Variants in RBM20 observed in about 807,000 individuals in gnomAD.
RBM20 encodes RNA binding motif protein 20.
Under a neutral mutation model 110.1 loss-of-function variants are expected in RBM20, and 51 were observed. The ratio of observed to expected loss-of-function variants is 0.46; its 90% CI spans 0.37 to 0.59. The LOEUF (loss-of-function observed/expected upper bound fraction) is 0.59, where lower values mean the gene tolerates loss of function less well. RBM20 is among the 20% of genes least tolerant of loss of function. The pLI is 0.00. For missense variants in RBM20, 1,512 were observed against 1,574.9 expected (o/e 0.96, Z 0.68); for synonymous variants, 589 against 618.2 (o/e 0.95, Z 0.70).
At chr10:110,703,245 G>A (rs1428182209) in intron 1 of RBM20, among the ~76,000 whole-genome samples, 1 of 151,842 alleles carries the variant, frequency 6.6e-6, no homozygotes, top group Non-Finnish European at 1.5e-5. Context: ...AGGCATGGTG[G>A]CAGGCACCTG....
intron 5 of RBM20, among the ~76,000 whole-genome samples, chr10:110,785,714 C>T (rs1844410958): frequency 6.6e-6 from 1 of 151,984 alleles, no homozygotes; most frequent in African/African-American, 2.4e-5. Context: ...TAATCCAGTT[C>T]ATCTAGTATT....
Position 110,812,331 on chromosome 10 carries a change from C to A in RBM20, c.1934C>A (p.Pro645Gln). 1 of 1,551,458 alleles carries A rather than the reference C, an allele frequency of 6.4e-7. No individual in the cohort carries two copies. The highest frequency in any genetic ancestry group is 8.7e-7 in the Non-Finnish European group (1 of 1,146,970). ...SRSPVSRSLS[P>Q]RSHTPSFTSC... ...AGTCCGGTGAGCCGGTCACTCTCCC[C>A]GAGGTCCCACACTCCCAGCTTCACC... Residue 645 changes from proline (P) to glutamine (Q), a missense_variant, in exon 9 of 14, where the codon CCG becomes CAG. By Grantham distance (76) the Pro-to-Gln change is moderately conservative. This residue lies in a region of RBM20 where 1,149 missense variants were observed against 1,169.4 expected (regional missense o/e 0.98). Coordinates refer to ENST00000369519, the MANE Select transcript of RBM20 (RefSeq NM_001134363.3).
intron 1 of RBM20, among the ~76,000 whole-genome samples, chr10:110,753,389 C>G (rs1311937772): frequency 6.6e-6 from 1 of 152,104 alleles, no homozygotes; most frequent in Admixed American, 6.5e-5. Flanking sequence ...TTAAAGAACA[C>G]CAACAAAATA....
At chr10:110,688,481 C>T (rs916226267) in intron 1 of RBM20, among the ~76,000 whole-genome samples, 2 of 152,170 alleles carry the variant, frequency 1.3e-5, no homozygotes, top group Non-Finnish European at 2.9e-5. Context: ...ATTCATACCA[C>T]AACATAATTG....
chr10:110,809,508 T>C (rs1405773461), intron 7 of RBM20, among the ~76,000 whole-genome samples: 2 of 152,118 alleles, frequency 1.3e-5, no homozygotes, highest in African/African-American at 4.8e-5. Flanking sequence ...ATTTATTATT[T>C]ATTTATTTTG....
In RBM20 at chr10:110,727,705, A is replaced by G. The variant is rs555306511; in HGVS notation, c.192-53096A>G. Among the ~76,000 whole-genome samples, 24 of 152,304 alleles carry G rather than the reference A, an allele frequency of 1.6e-4. No homozygotes were observed. The East Asian group carries it at 4.0e-3, about 26-fold the overall frequency. On this transcript the variant is annotated intron_variant, in intron 1 of 13. Transcript: ENST00000369519. ...ACGTGCAGGTTTGTTACATAGGTAT[A>G]CATGTGCTATGGTGGTTTGCTGCAC...
chr10:110,689,347 A>G (rs570365838), intron 1 of RBM20, among the ~76,000 whole-genome samples: 6 of 152,212 alleles, frequency 3.9e-5, no homozygotes, highest in Middle Eastern at 3.2e-3. Context: ...AGCTTCTAGG[A>G]AACAGACATA....
chr10:110,756,557 A>C (rs996902325), intron 1 of RBM20: 1 of 152,260 alleles, frequency 6.6e-6, no homozygotes, highest in African/African-American at 2.4e-5. Flanking sequence ...CTCATACCTC[A>C]ATGCACATTC....
Position 110,781,708 on chromosome 10 carries a change from C to T in RBM20, c.1099C>T (p.Arg367Trp), listed in dbSNP as rs1054551313. 12 of 1,550,782 alleles carry T rather than the reference C, an allele frequency of 7.7e-6. No homozygotes were observed. The highest frequency in any genetic ancestry group is 4.9e-5 in the East Asian group (2 of 40,922). Residue 367 changes from arginine (R) to tryptophan (W), a missense_variant, in exon 2 of 14, where the codon CGG becomes TGG. By Grantham distance (101) the Arg-to-Trp change is moderately radical. This residue lies in a region of RBM20 where 1,149 missense variants were observed against 1,169.4 expected (regional missense o/e 0.98). Transcript: ENST00000369519. ...CAGGACACCTCCTTCCTTCGGGGGTCGGCTTAACAACAGCAAACAGGGTTT... is the reference window on the plus strand; with the variant it reads ...CAGGACACCTCCTTCCTTCGGGGGTTGGCTTAACAACAGCAAACAGGGTTT... ...SDRTPPSFGG[R>W]LNNSKQGFIG...
intron 1 of RBM20, among the ~76,000 whole-genome samples, chr10:110,685,784 A>G (rs1352167718): frequency 6.6e-6 from 1 of 152,232 alleles, no homozygotes; most frequent in Non-Finnish European, 1.5e-5. Flanking sequence ...CGTGAGTAAC[A>G]AGATCAGGGC....
chr10:110,757,239 A>T (rs1843933764), intron 1 of RBM20, among the ~76,000 whole-genome samples: 1 of 152,128 alleles, frequency 6.6e-6, no homozygotes, highest in African/African-American at 2.4e-5. Flanking sequence ...CTATTCCTCT[A>T]TGTTGCTGAA....
chr10:110,668,285 GC>G (rs1486068990), intron 1 of RBM20, among the ~76,000 whole-genome samples: 1 of 152,056 alleles, frequency 6.6e-6, no homozygotes, highest in African/African-American at 2.4e-5. Context: ...CACTAGCCTA[GC>G]CCCCTGCTAT....
chr10:110,701,378 A>G (rs1391287433), intron 1 of RBM20, among the ~76,000 whole-genome samples: 3 of 151,532 alleles, frequency 2.0e-5, no homozygotes, highest in Admixed American at 6.6e-5. Context: ...GTCCGGTCCT[A>G]CTCCCTGGTA....
intron 12 of RBM20, among the ~76,000 whole-genome samples, chr10:110,826,754 TG>T (rs1329911492): frequency 6.6e-6 from 1 of 152,010 alleles, no homozygotes; most frequent in Non-Finnish European, 1.5e-5. Flanking sequence ...GGCTAGTTTT[TG>T]GTCTTTTTTT....
rs774616624 is a variant in RBM20, at chr10:110,686,970, C to A, written c.191+42325C>A. ...AGGAGAATTGCTTGAACCCAGGAGG[C>A]GGAGGTTGCAGTGAGCCAAGATCAT... On this transcript the variant is annotated intron_variant, in intron 1 of 13. Coordinates refer to ENST00000369519, the MANE Select transcript of RBM20 (RefSeq NM_001134363.3). 1.3e-5 allele frequency among the ~76,000 whole-genome samples: 2 copies of A among 150,092 alleles called. 1 individual carries two copies. The highest frequency in any genetic ancestry group is 4.2e-4 in the South Asian group (2 of 4,772).
intron 1 of RBM20, among the ~76,000 whole-genome samples, chr10:110,758,047 G>A (rs1843944944): frequency 1.0e-5 from 1 of 96,386 alleles, no homozygotes; most frequent in Non-Finnish European, 2.0e-5. Flanking sequence ...TTGAGACAGG[G>A]CTCACCTGTC....
chr10:110,782,838 A>G (rs1844371426), intron 2 of RBM20, among the ~76,000 whole-genome samples: 2 of 152,160 alleles, frequency 1.3e-5, no homozygotes, highest in Non-Finnish European at 2.9e-5. Context: ...TTTGGGTCAC[A>G]CCATCCAAGT....
intron 8 of RBM20, 67 bp downstream of exon 8, chr10:110,810,529 T>A (rs1844751906): frequency 2.6e-6 from 3 of 1,143,522 alleles, no homozygotes; most frequent in Non-Finnish European, 3.8e-6. Flanking sequence ...TGTTTCTCAT[T>A]CTTAGGGGCA....
At chr10:110,819,054 GGT>G (rs1358862337) in intron 9 of RBM20, among the ~76,000 whole-genome samples, 1 of 152,174 alleles carries the variant, frequency 6.6e-6, no homozygotes, top group East Asian at 1.9e-4. Context: ...AGCTCAAGGG[GGT>G]GTGTCTGATT....
Sources: allele counts gnomAD v4.1 joint callset (sites outside exome capture counted in the v4.1 genomes callset), GRCh38; gene constraint gnomAD v4.1.1; regional missense constraint gnomAD v4.1.1; transcripts MANE v1.5; gene names NCBI Gene and HGNC (gene_info 2026-07-23, HGNC 2026-07-21).